Variants in AFG2A observed in about 807,000 individuals in gnomAD.
The protein encoded by AFG2A is ATPase family gene 2 protein homolog A.
At chr4:123,120,369 G>T in the AFG2A span, among the ~76,000 whole-genome samples, 1 of 151,824 alleles carries the variant, frequency 6.6e-6, no homozygotes, top group African/African-American at 2.4e-5. Flanking sequence ...ATAATTAAGG[G>T]CTAAAAAAAA....
chr4:122,978,146 G>C, the AFG2A span, among the ~76,000 whole-genome samples: 3 of 152,090 alleles, frequency 2.0e-5, no homozygotes, highest in East Asian at 5.8e-4. Context: ...AGGAGACCCA[G>C]AGTGAGTAGC....
At chr4:123,253,350 G>C in the AFG2A span, among the ~76,000 whole-genome samples, 1 of 152,154 alleles carries the variant, frequency 6.6e-6, no homozygotes, top group Admixed American at 6.5e-5. Flanking sequence ...CAGGCGTGGT[G>C]GTGGGCGCCT....
At chr4:123,307,946 T>C in the AFG2A span, among the ~76,000 whole-genome samples, 1 of 152,246 alleles carries the variant, frequency 6.6e-6, no homozygotes, top group South Asian at 2.1e-4. Context: ...AAGGACAGTC[T>C]GTCTACACAA....
chr4:123,259,462 G>T, the AFG2A span, among the ~76,000 whole-genome samples: 2 of 152,132 alleles, frequency 1.3e-5, no homozygotes, highest in African/African-American at 4.8e-5. Flanking sequence ...AGCAGGTTGC[G>T]TCTTTTAGCC....
chr4:122,998,998 G>A, the AFG2A span, among the ~76,000 whole-genome samples: 6 of 151,808 alleles, frequency 4.0e-5, no homozygotes, highest in South Asian at 8.4e-4. Flanking sequence ...TTTAATGATC[G>A]CCATTCTAAC....
chr4:123,087,068 A>G, the AFG2A span, among the ~76,000 whole-genome samples: 1 of 152,114 alleles, frequency 6.6e-6, no homozygotes, highest in Non-Finnish European at 1.5e-5. Flanking sequence ...TTTGCTTTTG[A>G]TGTGTACTCA....
At chr4:123,006,988 G>A in the AFG2A span, among the ~76,000 whole-genome samples, 1 of 151,154 alleles carries the variant, frequency 6.6e-6, no homozygotes, top group African/African-American at 2.4e-5. Context: ...GGTCTTGGGG[G>A]CTAGAGCGGA....
the AFG2A span, among the ~76,000 whole-genome samples, chr4:122,940,914 G>A: frequency 9.6e-4 from 144 of 150,008 alleles, 1 homozygote; most frequent in Admixed American, 3.9e-4. Flanking sequence ...GCTTGTTTTT[G>A]TCAGGTTTGT....
At chr4:123,295,481 A>C in the AFG2A span, among the ~76,000 whole-genome samples, 2 of 152,284 alleles carry the variant, frequency 1.3e-5, no homozygotes. Context: ...AACTGGGTTA[A>C]ATAAACTATG....
the AFG2A span, among the ~76,000 whole-genome samples, chr4:123,077,299 G>A: frequency 4.6e-5 from 7 of 151,810 alleles, no homozygotes; most frequent in African/African-American, 1.5e-4. Context: ...TGCCTGCCTC[G>A]GCCTCCCAAA....
chr4:122,928,684 A>G, the AFG2A span, among the ~76,000 whole-genome samples: 8 of 152,190 alleles, frequency 5.3e-5, no homozygotes, highest in South Asian at 1.7e-3. Flanking sequence ...TTACTTTACA[A>G]GTTATTTTGC....
the AFG2A span, among the ~76,000 whole-genome samples, chr4:123,079,745 C>CAT: frequency 1.4e-5 from 1 of 72,660 alleles, no homozygotes; most frequent in Non-Finnish European, 2.4e-5. Flanking sequence ...TCTTTTCCTT[C>CAT]TTTTTTTTTT....
the AFG2A span, among the ~76,000 whole-genome samples, chr4:123,179,244 C>T: frequency 6.6e-6 from 1 of 152,190 alleles, no homozygotes; most frequent in South Asian, 2.1e-4. Context: ...AGACAGGTTG[C>T]CTCCCCACCT....
the AFG2A span, among the ~76,000 whole-genome samples, chr4:123,147,601 C>T: frequency 1.9e-4 from 29 of 152,008 alleles, no homozygotes; most frequent in African/African-American, 6.5e-4. Context: ...AATTACTTCT[C>T]GCTTATTTGT....
At chr4:123,138,100 A>G in the AFG2A span, among the ~76,000 whole-genome samples, 9,952 of 152,140 alleles carry the variant, frequency 0.065, 583 homozygotes, top group African/African-American at 0.15. Context: ...TATTTGTTTT[A>G]TTCTATATTA....
chr4:123,297,602 C>T, the AFG2A span, among the ~76,000 whole-genome samples: 1 of 151,958 alleles, frequency 6.6e-6, no homozygotes, highest in Non-Finnish European at 1.5e-5. Context: ...GCCTGTAGTC[C>T]CAGCTACTCC....
chr4:123,151,923 T>C, the AFG2A span, among the ~76,000 whole-genome samples: 1 of 152,142 alleles, frequency 6.6e-6, no homozygotes, highest in Admixed American at 6.5e-5. Context: ...GTGGCACATA[T>C]ACACCATGAA....
At chr4:122,973,501 T>G in the AFG2A span, among the ~76,000 whole-genome samples, 2 of 152,190 alleles carry the variant, frequency 1.3e-5, no homozygotes, top group African/African-American at 4.8e-5. Context: ...AGGCAAGTAT[T>G]TTTATTATTT....
chr4:123,198,279 AAAAG>A, the AFG2A span, among the ~76,000 whole-genome samples: 1 of 152,086 alleles, frequency 6.6e-6, no homozygotes, highest in African/African-American at 2.4e-5. Flanking sequence ...AAAAAAAAAA[AAAAG>A]AGCAACCAGC....
Sources: allele counts gnomAD v4.1 joint callset (sites outside exome capture counted in the v4.1 genomes callset), GRCh38; gene constraint gnomAD v4.1.1; transcripts MANE v1.5; gene names NCBI Gene and HGNC (gene_info 2026-07-23, HGNC 2026-07-21).